Variants in TACR3 observed in about 807,000 individuals in gnomAD.
The protein encoded by TACR3 is neuromedin-K receptor.
In TACR3, 34 loss-of-function variants were observed where a neutral mutation model predicts 35.0. The observed-to-expected ratio is 0.97, with a 90% CI of 0.74 to 1.30. The LOEUF (loss-of-function observed/expected upper bound fraction) is 1.30, where lower values mean the gene tolerates loss of function less well. Among genes scored for constraint, TACR3 ranks in the 50% most tolerant of loss-of-function variants. The pLI, the probability that TACR3 is intolerant of heterozygous loss-of-function variation, is 0.00. For synonymous variants in TACR3, 233 were observed against 221.1 expected (o/e 1.05, Z -0.48); for missense variants, 558 against 591.7 (o/e 0.94, Z 0.59).
chr4:103,710,741 C>A (rs1560541301), intron 1 of TACR3, among the ~76,000 whole-genome samples: 1 of 152,006 alleles, frequency 6.6e-6, no homozygotes, highest in Non-Finnish European at 1.5e-5. Flanking sequence ...TGATAGACTG[C>A]TAGCAAGACT....
At chr4:103,609,620 CCTTT>C (rs1206050315) in intron 3 of TACR3, among the ~76,000 whole-genome samples, 1 of 152,014 alleles carries the variant, frequency 6.6e-6, no homozygotes, top group Non-Finnish European at 1.5e-5. Context: ...CATTCAAAAT[CCTTT>C]CTTTTAGCTA....
At chr4:103,660,087 T>A (rs1725809094) in intron 1 of TACR3, among the ~76,000 whole-genome samples, 1 of 152,084 alleles carries the variant, frequency 6.6e-6, no homozygotes, top group South Asian at 2.1e-4. Context: ...AATAAGGATA[T>A]TTTATCAATA....
chr4:103,650,053 C>A (rs1009284869), intron 3 of TACR3, among the ~76,000 whole-genome samples: 1 of 152,048 alleles, frequency 6.6e-6, no homozygotes, highest in Non-Finnish European at 1.5e-5. Context: ...TTAGGGGGTA[C>A]CACATACCTA....
Position 103,597,603 on chromosome 4 carries a change from C to T in TACR3, c.889-5920G>A, listed in dbSNP as rs868385934. On this transcript the variant is annotated intron_variant, in intron 3 of 4. Coordinates refer to ENST00000304883, the MANE Select transcript of TACR3 (RefSeq NM_001059.3). ...ACATCTCCTAATGCTATCCCTCCCC[C>T]GTCCCCCCACCCCACAAGAGTCCCC... 3.4e-4 allele frequency among the ~76,000 whole-genome samples: 51 copies of T among 151,976 alleles called. No homozygotes were observed. The Middle Eastern group carries it at 0.01, about 30-fold the overall frequency.
chr4:103,598,078 A>G (rs1724084978), intron 3 of TACR3, among the ~76,000 whole-genome samples: 1 of 152,088 alleles, frequency 6.6e-6, no homozygotes, highest in Admixed American at 6.6e-5. Flanking sequence ...AACAGTGTAA[A>G]AGTGTTCCTA....
At chr4:103,713,677 G>T (rs1179498051) in intron 1 of TACR3, among the ~76,000 whole-genome samples, 1 of 151,860 alleles carries the variant, frequency 6.6e-6, no homozygotes, top group East Asian at 1.9e-4. Context: ...AAAAAAATAG[G>T]AGCTCTTCAA....
chr4:103,698,895 C>G (rs1350124567), intron 1 of TACR3, among the ~76,000 whole-genome samples: 3 of 152,138 alleles, frequency 2.0e-5, no homozygotes, highest in Non-Finnish European at 4.4e-5. Flanking sequence ...TGTATAAAAA[C>G]ATCACATGTA....
At chr4:103,598,216 T>G (rs1319114009) in intron 3 of TACR3, among the ~76,000 whole-genome samples, 1 of 152,236 alleles carries the variant, frequency 6.6e-6, no homozygotes, top group African/African-American at 2.4e-5. Context: ...ATGGTGAGCA[T>G]TTTTTCATGT....
intron 3 of TACR3, among the ~76,000 whole-genome samples, chr4:103,625,009 G>GAGA (rs926982529): frequency 7.2e-5 from 11 of 152,002 alleles, no homozygotes; most frequent in African/African-American, 2.7e-4. Context: ...GAAGAAAAGA[G>GAGA]AGAAGGAGAT....
At chr4:103,595,047 A>G (rs1487528495) in intron 3 of TACR3, among the ~76,000 whole-genome samples, 1 of 152,142 alleles carries the variant, frequency 6.6e-6, no homozygotes, top group East Asian at 1.9e-4. Flanking sequence ...GCTTTGTGAA[A>G]TGCTGAAATC....
chr4:103,600,357 T>C (rs544221361), intron 3 of TACR3, among the ~76,000 whole-genome samples: 67 of 152,244 alleles, frequency 4.4e-4, no homozygotes, highest in Non-Finnish European at 7.9e-4. Flanking sequence ...TTCTTCTTTA[T>C]TAGTCTTGCT....
chr4:103,665,699 G>A (rs1189258030), intron 1 of TACR3, among the ~76,000 whole-genome samples: 1 of 152,044 alleles, frequency 6.6e-6, no homozygotes, highest in East Asian at 1.9e-4. Context: ...TTGAAGTAAC[G>A]TTGCCTCCAG....
intron 3 of TACR3, among the ~76,000 whole-genome samples, chr4:103,649,860 G>T (rs187373093): frequency 6.6e-6 from 1 of 152,040 alleles, no homozygotes; most frequent in African/African-American, 2.4e-5. Flanking sequence ...TTAGTTCATT[G>T]CATGAGGTCA....
chr4:103,713,776 A>G (rs1461940442), intron 1 of TACR3, among the ~76,000 whole-genome samples: 3 of 152,158 alleles, frequency 2.0e-5, no homozygotes, highest in Non-Finnish European at 2.9e-5. Flanking sequence ...AACTTAGTAT[A>G]AAGCAACTTT....
intron 1 of TACR3, among the ~76,000 whole-genome samples, chr4:103,695,721 G>T (rs932462060): frequency 6.6e-6 from 1 of 151,514 alleles, no homozygotes; most frequent in Admixed American, 6.6e-5. Context: ...CTGTGTGTGT[G>T]TGTGTGTGTG....
At chr4:103,642,031 A>G (rs551489036) in intron 3 of TACR3, among the ~76,000 whole-genome samples, 8 of 151,884 alleles carry the variant, frequency 5.3e-5, no homozygotes, top group Admixed American at 3.9e-4. Flanking sequence ...AGGTGATACT[A>G]TAAGTTTTCA....
At chr4:103,597,096 T>C (rs1272530354) in intron 3 of TACR3, among the ~76,000 whole-genome samples, 1 of 151,746 alleles carries the variant, frequency 6.6e-6, no homozygotes, top group Non-Finnish European at 1.5e-5. Flanking sequence ...GCATAATTTA[T>C]AATCCTTTGG....
At chr4:103,709,135 A>T (rs1722875643) in intron 1 of TACR3, among the ~76,000 whole-genome samples, 1 of 152,198 alleles carries the variant, frequency 6.6e-6, no homozygotes, top group African/African-American at 2.4e-5. Context: ...GCCAACATTC[A>T]AATTCAGGAA....
In TACR3 at chr4:103,718,810, A is replaced by G. The variant is rs3796950; in HGVS notation, c.548+318T>C. 1.6e-4 allele frequency among the ~76,000 whole-genome samples: 24 copies of G among 152,334 alleles called. No homozygotes were observed. In the East Asian group the frequency reaches 4.4e-3, roughly 28 times the overall value. On this transcript the variant is annotated intron_variant, in intron 1 of 4. Transcript: ENST00000304883. ...AAGTCATTTGAGAAAGTTTGCTGGT[A>G]CTTAAACGTTTCTAGCTAAGTTTGC...
Sources: gnomAD v4.1 joint callset for allele counts (sites outside exome capture counted in the v4.1 genomes callset) on GRCh38, gnomAD v4.1.1 for gene constraint, MANE v1.5 for transcripts, NCBI Gene and HGNC (gene_info 2026-07-23, HGNC 2026-07-21) for gene names.